The following NOL4 variants were observed in gnomAD, a reference collection of about 807,000 sequenced individuals.
NOL4 encodes cancer/testis antigen 125.
In NOL4, 17 loss-of-function variants were observed where a neutral mutation model predicts 75.9. That is an observed-to-expected ratio of 0.22 (90% CI 0.15 to 0.34). The LOEUF (loss-of-function observed/expected upper bound fraction) is 0.34. NOL4 is among the 10% of genes least tolerant of loss of function. The pLI is 1.00. For synonymous variants in NOL4, 292 were observed against 289.9 expected, an observed-to-expected ratio of 1.01 and a Z score of -0.07; for missense variants, 614 against 793.5, an observed-to-expected ratio of 0.77 and a Z score of 2.72.
intron 10 of NOL4, among the ~76,000 whole-genome samples, chr18:33,862,101 T>G (rs1462186366): frequency 6.6e-6 from 1 of 152,070 alleles, no homozygotes; most frequent in East Asian, 1.9e-4. Flanking sequence ...AACAGAGCCC[T>G]CAGAAATAAA....
intron 5 of NOL4, among the ~76,000 whole-genome samples, chr18:34,060,165 C>G (rs1156795687): frequency 4.0e-5 from 6 of 151,690 alleles, no homozygotes; most frequent in Non-Finnish European, 5.9e-5. Flanking sequence ...ATCCTGTCCC[C>G]CAGTCTCTGA....
chr18:34,071,928 C>T (rs2077536008), intron 5 of NOL4, among the ~76,000 whole-genome samples: 1 of 151,964 alleles, frequency 6.6e-6, no homozygotes, highest in Non-Finnish European at 1.5e-5. Context: ...TATTACAAAA[C>T]AGTTTAAAGA....
At chr18:33,926,596 T>TTTTG (rs202135282) in intron 9 of NOL4, among the ~76,000 whole-genome samples, 34 of 152,024 alleles carry the variant, frequency 2.2e-4, no homozygotes, top group East Asian at 1.4e-3. Flanking sequence ...GAAATAAGAT[T>TTTTG]TTTGTTTGTT....
chr18:34,207,605 A>T (rs1376223678), intron 1 of NOL4, among the ~76,000 whole-genome samples: 1 of 152,226 alleles, frequency 6.6e-6, no homozygotes, highest in Non-Finnish European at 1.5e-5. Flanking sequence ...TACAAGATTT[A>T]GGGGATCTTC....
At position 33,865,345 on chromosome 18, in the gene NOL4, G is replaced by T. The variant is rs532546797; in HGVS notation, c.1724-12310C>A. On this transcript the variant is annotated intron_variant, in intron 10 of 10. Coordinates refer to ENST00000261592, the MANE Select transcript of NOL4 (RefSeq NM_003787.5). ...TTATAATACTGAATATAACGTAAAT[G>T]CTATATAAATATTTGTTATACTGTA... 1.9e-3 allele frequency among the ~76,000 whole-genome samples: 295 copies of T among 152,074 alleles called. 3 individuals carry two copies. The highest frequency in any genetic ancestry group is 3.8e-3 in the Non-Finnish European group (259 of 67,978).
intron 9 of NOL4, among the ~76,000 whole-genome samples, chr18:33,883,846 T>C (rs1289378759): frequency 6.6e-6 from 1 of 152,150 alleles, no homozygotes; most frequent in Non-Finnish European, 1.5e-5. Context: ...CAAAGTGATA[T>C]AAGCCAACCA....
chr18:34,007,162 A>G (rs1357036720), intron 6 of NOL4, among the ~76,000 whole-genome samples: 1 of 151,918 alleles, frequency 6.6e-6, no homozygotes, highest in Non-Finnish European at 1.5e-5. Context: ...AATCAATAGG[A>G]TAAGAAGGGA....
chr18:34,094,287 G>A (rs2078667540), intron 4 of NOL4, among the ~76,000 whole-genome samples: 1 of 152,068 alleles, frequency 6.6e-6, no homozygotes, highest in Non-Finnish European at 1.5e-5. Flanking sequence ...TGGCAAACAG[G>A]ATAGATTCTA....
chr18:34,068,079 G>A (rs1051618835), intron 5 of NOL4, among the ~76,000 whole-genome samples: 1 of 152,134 alleles, frequency 6.6e-6, no homozygotes, highest in Non-Finnish European at 1.5e-5. Flanking sequence ...AAGCCAGTGA[G>A]GTGGGAGGAA....
At chr18:34,179,944 A>G (rs898262417) in intron 1 of NOL4, among the ~76,000 whole-genome samples, 3 of 151,590 alleles carry the variant, frequency 2.0e-5, no homozygotes, top group Non-Finnish European at 3.0e-5. Context: ...ATCAGTCTAG[A>G]AAAAGTAGAA....
intron 1 of NOL4, among the ~76,000 whole-genome samples, chr18:34,153,153 A>AC (rs762299286): frequency 1.2e-4 from 18 of 151,830 alleles, no homozygotes; most frequent in Non-Finnish European, 2.1e-4. Context: ...TTTTTCATAT[A>AC]CCCATGTACT....
chr18:33,925,794 AAAGG>A (rs2067289229), intron 9 of NOL4, among the ~76,000 whole-genome samples: 2 of 152,126 alleles, frequency 1.3e-5, no homozygotes, highest in African/African-American at 4.8e-5. Context: ...TGCTTTGAAA[AAAGG>A]AAGGAAGGAA....
intron 1 of NOL4, among the ~76,000 whole-genome samples, chr18:34,164,986 C>G (rs573019169): frequency 6.6e-6 from 1 of 150,538 alleles, no homozygotes; most frequent in Admixed American, 6.7e-5. Context: ...TAAACTATCG[C>G]AAGGACAAAA....
chr18:34,168,087 A>G (rs1369325705), intron 1 of NOL4, among the ~76,000 whole-genome samples: 1 of 151,968 alleles, frequency 6.6e-6, no homozygotes, highest in Non-Finnish European at 1.5e-5. Flanking sequence ...ATTTTCTATA[A>G]GTGACAAAAT....
chr18:33,987,081 A>G (rs1308654198), intron 6 of NOL4, among the ~76,000 whole-genome samples: 2 of 152,122 alleles, frequency 1.3e-5, no homozygotes, highest in African/African-American at 4.8e-5. Context: ...GGGATTTTAT[A>G]GTGAATCTTC....
At chr18:34,120,098 T>A (rs965573405) in intron 2 of NOL4, among the ~76,000 whole-genome samples, 1 of 152,222 alleles carries the variant, frequency 6.6e-6, no homozygotes, top group South Asian at 2.1e-4. Context: ...AAGACTATAT[T>A]TATCTAATAT....
rs1340180949 is a variant in NOL4 at position 34,019,522 on chromosome 18, C to T, written c.852G>A (p.Arg284=). 11 of 1,613,906 alleles carry T rather than the reference C, an allele frequency of 6.8e-6. No homozygotes were observed. In the East Asian group the frequency reaches 2.5e-4, roughly 36 times the overall value. Residue 284 remains arginine (R), a synonymous_variant, in exon 6 of 11, where the codon AGG becomes AGA. Transcript: ENST00000261592. ...SSIASGGTHS[R]EMGDSNSDGK... ...CATCACTGTTGGAGTCTCCCATCTCCCTGCTGTGTGTTCCCCCTGAAGCAA... is the reference window on the plus strand; with the variant it reads ...CATCACTGTTGGAGTCTCCCATCTCTCTGCTGTGTGTTCCCCCTGAAGCAA...
intron 5 of NOL4, among the ~76,000 whole-genome samples, chr18:34,086,294 A>C (rs2078240119): frequency 6.6e-6 from 1 of 152,202 alleles, no homozygotes; most frequent in African/African-American, 2.4e-5. Context: ...TGTATAAAAG[A>C]ATCAACATCC....
At chr18:34,203,079 C>T (rs1198767405) in intron 1 of NOL4, among the ~76,000 whole-genome samples, 1 of 151,962 alleles carries the variant, frequency 6.6e-6, no homozygotes, top group Non-Finnish European at 1.5e-5. Context: ...GTGATACACA[C>T]ATACTATGAA....
Sources: gnomAD v4.1 joint callset for allele counts (sites outside exome capture counted in the v4.1 genomes callset) on GRCh38, gnomAD v4.1.1 for gene constraint, MANE v1.5 for transcripts, NCBI Gene and HGNC (gene_info 2026-07-23, HGNC 2026-07-21) for gene names.